Variants in UBE2B observed in about 807,000 individuals in gnomAD.
The protein encoded by UBE2B is ubiquitin conjugating enzyme E2 B.
Under a neutral mutation model 24.6 loss-of-function variants are expected in UBE2B, and 11 were observed. That is an observed-to-expected ratio of 0.45 (90% confidence interval 0.28 to 0.74). The LOEUF is 0.74. Among genes scored for constraint, UBE2B ranks in the 30% least tolerant of loss-of-function variants. The pLI is 0.13. For synonymous variants in UBE2B, 68 were observed against 62.4 expected, an observed-to-expected ratio of 1.09 and a Z score of -0.42; for missense variants, 78 against 185.6, an observed-to-expected ratio of 0.42 and a Z score of 3.37.
intron 5 of UBE2B, chr5:134,389,014 C>A: frequency 6.7e-6 from 2 of 299,458 alleles, no homozygotes; most frequent in Non-Finnish European, 1.2e-5. Flanking sequence ...TGCAATGGCA[C>A]AATCTTGGCT....
chr5:134,387,364 T>G (rs183280803), intron 4 of UBE2B, among the ~76,000 whole-genome samples: 1 of 152,300 alleles, frequency 6.6e-6, no homozygotes, highest in East Asian at 1.9e-4. Flanking sequence ...ATGTCAAAAA[T>G]AAGCAGTTTT....
chr5:134,386,886 T>C (rs1016457448), intron 4 of UBE2B, among the ~76,000 whole-genome samples: 3 of 152,126 alleles, frequency 2.0e-5, no homozygotes, highest in South Asian at 2.1e-4. Flanking sequence ...TTGCTATTGC[T>C]TATATGAATG....
At chr5:134,377,368 T>C (rs562713491) in intron 3 of UBE2B, among the ~76,000 whole-genome samples, 15 of 152,200 alleles carry the variant, frequency 9.9e-5, no homozygotes, top group Non-Finnish European at 1.9e-4. Flanking sequence ...GAATACTGAC[T>C]GCAGCAGTTT....
chr5:134,372,277 G>A (rs1758471820), intron 1 of UBE2B, among the ~76,000 whole-genome samples: 1 of 152,178 alleles, frequency 6.6e-6, no homozygotes, highest in African/African-American at 2.4e-5. Flanking sequence ...GTGCTTTCTG[G>A]AACTCAGCTC....
In UBE2B at chr5:134,374,376, T is replaced by C; in HGVS notation, c.45-7T>C. On this transcript the variant is annotated splice_polypyrimidine_tract_variant and splice_region_variant and intron_variant, in intron 1 of 5. Transcript: ENST00000265339. ...CAACTTTTTAAATTACCACGCTGGA[T>C]TTCCAGGTTACAAGAGGACCCACCT... is the stretch of plus-strand genomic sequence containing the variant. 1 of 1,552,972 alleles carries C rather than the reference T, an allele frequency of 6.4e-7. No homozygotes were observed.
intron 4 of UBE2B, among the ~76,000 whole-genome samples, chr5:134,383,228 T>C (rs1758739512): frequency 6.6e-6 from 1 of 152,224 alleles, no homozygotes; most frequent in South Asian, 2.1e-4. Flanking sequence ...AGATTTATCA[T>C]ATTTTTAACC....
chr5:134,389,658 C>T (rs1408849566), intron 5 of UBE2B, among the ~76,000 whole-genome samples: 1 of 151,820 alleles, frequency 6.6e-6, no homozygotes, highest in Non-Finnish European at 1.5e-5. Context: ...AAGCAATTCT[C>T]CTGCCTCAGC....
chr5:134,376,364 T>TATATATACAC (rs70976528), intron 2 of UBE2B, among the ~76,000 whole-genome samples: 5 of 79,504 alleles, frequency 6.3e-5, no homozygotes, highest in East Asian at 3.9e-4. Flanking sequence ...TATATATATA[T>TATATATACAC]ACACATATGT....
At chr5:134,374,577 A>G in intron 2 of UBE2B, 114 bp downstream of exon 2, 1 of 1,164,838 alleles carries the variant, frequency 8.6e-7, no homozygotes, top group South Asian at 1.3e-5. Flanking sequence ...CTTAAGGACT[A>G]AAACTGCAAG....
chr5:134,376,340 A>ATATAT lies in UBE2B; in HGVS notation c.126-329_126-328insTATAT, dbSNP rs1206993709. ...TCCGTCTCAAAAAAAAAAAAAAAAA[A>ATATAT]AAAAAAAAATATATATATATATATA... is the stretch of plus-strand genomic sequence containing the variant. On this transcript the variant is annotated intron_variant, in intron 2 of 5. Coordinates refer to ENST00000265339, the MANE Select transcript of UBE2B (RefSeq NM_003337.4). Among the ~76,000 whole-genome samples the ATATAT allele has an allele frequency of 5.6e-3, 33 of 5,922 alleles. 2 individuals are homozygous for ATATAT. The highest frequency in any genetic ancestry group is 8.1e-3 in the Admixed American group (3 of 370). The allele number at this position is 5,922 out of a possible 152,430, so 3.9% of individuals were successfully genotyped here.
chr5:134,371,820 G>A (rs529577653), intron 1 of UBE2B, among the ~76,000 whole-genome samples, 181 bp downstream of exon 1: 1 of 152,234 alleles, frequency 6.6e-6, no homozygotes, highest in South Asian at 2.1e-4. Context: ...TCGTTCTGGC[G>A]CCCGAAGAAA....
At chr5:134,376,801 C>A in intron 3 of UBE2B, 107 bp downstream of exon 3, 2 of 1,114,328 alleles carry the variant, frequency 1.8e-6, no homozygotes, top group Non-Finnish European at 2.6e-6. Flanking sequence ...GTTAATAGGC[C>A]AAGTTAAAAG....
At chr5:134,372,234 C>T (rs535390528) in intron 1 of UBE2B, among the ~76,000 whole-genome samples, 26 of 152,324 alleles carry the variant, frequency 1.7e-4, no homozygotes, top group African/African-American at 4.1e-4. Flanking sequence ...ACTTAGAGAT[C>T]TGGGACCTTA....
Position 134,390,215 on chromosome 5 carries a change from T to TTCC in UBE2B, c.331-5_331-3dup, listed in dbSNP as rs765369210. 287 of 1,613,884 alleles carry TTCC rather than the reference T, an allele frequency of 1.8e-4. 2 individuals are homozygous for TTCC. Among genetic ancestry groups the TTCC allele is most frequent in the Non-Finnish European group, 2.3e-4 (277 of 1,179,986 alleles). On this transcript the variant is annotated splice_polypyrimidine_tract_variant and intron_variant, in intron 5 of 5. Transcript: ENST00000265339. The surrounding 1 kb of genome is among the most constrained non-coding windows in gnomAD (Gnocchi z 4.6). ...TATGCAAATCTGTTTTTTCTTTTCT[T>TTCC]TCCTCCTAGTCTCTGCTGGATGAAC...
intron 1 of UBE2B, among the ~76,000 whole-genome samples, chr5:134,372,969 T>TA (rs1307667613): frequency 6.6e-6 from 1 of 152,242 alleles, no homozygotes; most frequent in African/African-American, 2.4e-5. Context: ...ATTCAGATAG[T>TA]AAACTAGTTC....
intron 3 of UBE2B, 149 bp from the exon 4 acceptor site, chr5:134,380,570 G>T: frequency 1.7e-6 from 1 of 586,670 alleles, no homozygotes; most frequent in Non-Finnish European, 3.1e-6. Context: ...AACATAAATA[G>T]AGTATATTTA....
intron 2 of UBE2B, 87 bp from the exon 3 acceptor site, chr5:134,376,582 C>G (rs904627681): frequency 7.1e-7 from 1 of 1,415,608 alleles, no homozygotes; most frequent in Middle Eastern, 2.4e-4. Flanking sequence ...CCCTCTTTTT[C>G]TGTTGAAGTT....
intron 1 of UBE2B, 31 bp downstream of exon 1, chr5:134,371,670 G>T (rs1344561139): frequency 1.2e-6 from 2 of 1,613,086 alleles, no homozygotes; most frequent in Admixed American, 1.7e-5. Flanking sequence ...CTAGATGACG[G>T]CCCCTCAAAG....
At chr5:134,383,649 C>A (rs34739487) in intron 4 of UBE2B, among the ~76,000 whole-genome samples, 1 of 151,756 alleles carries the variant, frequency 6.6e-6, no homozygotes, top group East Asian at 1.9e-4. Flanking sequence ...TTAGTAGAGA[C>A]GGGGTTTCAC....
Sources: gnomAD v4.1 joint callset for allele counts (sites outside exome capture counted in the v4.1 genomes callset) on GRCh38, gnomAD v4.1.1 for gene constraint, Gnocchi (gnomAD v3.1) non-coding constraint, MANE v1.5 for transcripts, NCBI Gene and HGNC (gene_info 2026-07-23, HGNC 2026-07-21) for gene names.